MAST2: variants seen among roughly 807,000 people sequenced by gnomAD.
MAST2 encodes the protein microtubule associated serine/threonine kinase 2.
A neutral mutation model predicts 147.4 loss-of-function variants in MAST2; 70 were observed. The observed-to-expected ratio is 0.47, with a 90% CI of 0.39 to 0.58. The LOEUF (loss-of-function observed/expected upper bound fraction) is 0.58, where lower values mean the gene tolerates loss of function less well. MAST2 is among the 20% of genes least tolerant of loss of function. The pLI, the probability that MAST2 is intolerant of heterozygous loss-of-function variation, is 0.00. For synonymous variants in MAST2, 869 were observed against 896.8 expected (o/e 0.97, Z 0.55); for missense variants, 2,080 against 2,302.3 (o/e 0.90, Z 1.98).
intron 4 of MAST2, among the ~76,000 whole-genome samples, chr1:45,905,551 C>T (rs1398735034): frequency 6.6e-6 from 1 of 152,182 alleles, no homozygotes; most frequent in Non-Finnish European, 1.5e-5. Flanking sequence ...GGCCAAGGCG[C>T]GGATCACGAG....
At chr1:45,934,988 C>T (rs1198138503) in intron 4 of MAST2, among the ~76,000 whole-genome samples, 3 of 152,216 alleles carry the variant, frequency 2.0e-5, no homozygotes, top group African/African-American at 7.2e-5. Flanking sequence ...CTGCTTTCCA[C>T]AGAGGCTGAA....
chr1:45,904,081 A>G (rs757241120), intron 4 of MAST2, among the ~76,000 whole-genome samples: 12 of 152,102 alleles, frequency 7.9e-5, no homozygotes, highest in Non-Finnish European at 1.5e-4. Context: ...GCTCATTGCA[A>G]TCTTAAACTC....
chr1:45,983,610 G>A (rs917843358), intron 5 of MAST2, among the ~76,000 whole-genome samples: 4 of 151,322 alleles, frequency 2.6e-5, no homozygotes, highest in African/African-American at 9.7e-5. Flanking sequence ...TCCCACCTCA[G>A]CCTCCCAAAT....
chr1:45,870,336 C>T (rs1382515034), intron 3 of MAST2, among the ~76,000 whole-genome samples: 1 of 151,884 alleles, frequency 6.6e-6, no homozygotes, highest in African/African-American at 2.4e-5. Context: ...ATTGTATAAC[C>T]ACATTCACAT....
At chr1:45,847,243 C>T in intron 3 of MAST2, 3 of 515,728 alleles carry the variant, frequency 5.8e-6, no homozygotes, top group Non-Finnish European at 1.2e-5. Flanking sequence ...TACTGCTGTC[C>T]CTCCCGCTCC....
intron 1 of MAST2, among the ~76,000 whole-genome samples, chr1:45,816,321 A>G (rs954870279): frequency 6.6e-6 from 1 of 152,090 alleles, no homozygotes; most frequent in East Asian, 1.9e-4. Context: ...AAAGGCTACA[A>G]TGTATATTTA....
Position 46,023,571 on chromosome 1 carries a change from C to G in MAST2, c.1572-201C>G. 1.6e-6 allele frequency: 1 copy of G among 625,300 alleles called. No homozygotes were observed. The allele number at this position is 625,300 out of a possible 1,614,324, so 38.7% of individuals were successfully genotyped here. A position where few individuals can be genotyped will look rare whatever the true frequency, so the allele number is the denominator to read the frequency against. ...CCCTGAGCTCTGGGGAAGCATTGAG[C>G]CGTGTCATCAGGACATGGTCTATCA... On this transcript the variant is annotated intron_variant, in intron 14 of 28. Coordinates refer to ENST00000361297, the MANE Select transcript of MAST2 (RefSeq NM_015112.3). This position sits in a 1 kb window ranked among gnomAD's most constrained non-coding sequence, Gnocchi z 4.9.
chr1:45,817,097 C>T (rs781081012), intron 1 of MAST2, among the ~76,000 whole-genome samples: 23 of 152,082 alleles, frequency 1.5e-4, no homozygotes, highest in Non-Finnish European at 2.9e-4. Context: ...AGAAAATAGC[C>T]TCCAAAAGGC....
At chr1:45,881,604 C>T (rs1332581399) in intron 3 of MAST2, among the ~76,000 whole-genome samples, 1 of 152,106 alleles carries the variant, frequency 6.6e-6, no homozygotes, top group African/African-American at 2.4e-5. Context: ...GTGAAGTCAT[C>T]TCTTTGTTAT....
chr1:45,946,665 T>C (rs1438785223), intron 4 of MAST2, among the ~76,000 whole-genome samples: 2 of 152,230 alleles, frequency 1.3e-5, no homozygotes, highest in Non-Finnish European at 2.9e-5. Context: ...TGGTGGTCTT[T>C]TCTGCTATAA....
At chr1:45,987,027 T>A (rs891377020) in intron 5 of MAST2, among the ~76,000 whole-genome samples, 2 of 152,160 alleles carry the variant, frequency 1.3e-5, no homozygotes, top group African/African-American at 4.8e-5. Flanking sequence ...GGTTTTAAAT[T>A]ATAAACTTAA....
chr1:45,968,266 C>T (rs2148969686), intron 5 of MAST2, among the ~76,000 whole-genome samples: 1 of 152,330 alleles, frequency 6.6e-6, no homozygotes, highest in African/African-American at 2.4e-5. Context: ...TTACCTTCAT[C>T]ACTTCTCCAG....
At chr1:45,845,943 G>A (rs375222772) in intron 3 of MAST2, among the ~76,000 whole-genome samples, 2 of 152,066 alleles carry the variant, frequency 1.3e-5, no homozygotes, top group Non-Finnish European at 2.9e-5. Flanking sequence ...TGCATTTTTA[G>A]TAGAGACGGG....
intron 3 of MAST2, among the ~76,000 whole-genome samples, chr1:45,854,205 T>C (rs1029923647): frequency 2.0e-5 from 3 of 151,956 alleles, no homozygotes; most frequent in Non-Finnish European, 2.9e-5. Flanking sequence ...GGAGTGATGG[T>C]TCATGCCTGT....
At chr1:45,928,020 A>G (rs1654676781) in intron 4 of MAST2, among the ~76,000 whole-genome samples, 1 of 152,196 alleles carries the variant, frequency 6.6e-6, no homozygotes, top group South Asian at 2.1e-4. Context: ...GAAGCTTTCT[A>G]GGATACTTCT....
intron 3 of MAST2, among the ~76,000 whole-genome samples, chr1:45,867,472 G>A (rs1646202560): frequency 6.6e-6 from 1 of 152,172 alleles, no homozygotes; most frequent in Non-Finnish European, 1.5e-5. Flanking sequence ...TGACAGCAAA[G>A]ACCTTGTCTA....
chr1:45,913,922 A>G (rs1177995426), intron 4 of MAST2: 3 of 1,158,182 alleles, frequency 2.6e-6, no homozygotes, highest in African/African-American at 1.7e-5. Context: ...AGATGTCAGG[A>G]AAAAAAACTA....
At chr1:45,831,898 G>A (rs1644969348) in intron 3 of MAST2, among the ~76,000 whole-genome samples, 1 of 151,374 alleles carries the variant, frequency 6.6e-6, no homozygotes, top group Non-Finnish European at 1.5e-5. Context: ...TCCTGTGTCA[G>A]CCTCCCAAGT....
chr1:45,847,159 C>A, intron 3 of MAST2: 1 of 506,190 alleles, frequency 2.0e-6, no homozygotes, highest in South Asian at 1.5e-5. Context: ...TTCTTCAGAT[C>A]AAAGTCCCAT....
Sources: allele counts gnomAD v4.1 joint callset (sites outside exome capture counted in the v4.1 genomes callset), GRCh38; gene constraint gnomAD v4.1.1; non-coding constraint Gnocchi (gnomAD v3.1); transcripts MANE v1.5; gene names NCBI Gene and HGNC (gene_info 2026-07-23, HGNC 2026-07-21).